The following PLCD1 variants were observed in gnomAD, a reference collection of about 807,000 sequenced individuals.
The protein encoded by PLCD1 is 1-phosphatidylinositol 4,5-bisphosphate phosphodiesterase delta-1.
PLCD1 carries 71 observed loss-of-function variants against 87.4 expected under a neutral mutation model. The ratio of observed to expected loss-of-function variants is 0.81; its 90% CI spans 0.67 to 0.99. The LOEUF (loss-of-function observed/expected upper bound fraction) is 0.99, where lower values mean the gene tolerates loss of function less well. PLCD1 is among the 50% of genes least tolerant of loss of function. The pLI is 0.00. For missense variants in PLCD1, 867 were observed against 1,001.5 expected (o/e 0.87, Z 1.81); for synonymous variants, 348 against 399.2 (o/e 0.87, Z 1.53).
At position 38,029,614 on chromosome 3, in the gene PLCD1, C is replaced by G; in HGVS notation, c.-75G>C. On this transcript the variant is annotated 5_prime_UTR_variant, in exon 1 of 15. Coordinates refer to ENST00000334661, the MANE Select transcript of PLCD1 (RefSeq NM_006225.4). The stretch of plus-strand genomic sequence containing the variant: ...GCGACAGCACCGGCGGCCTGGGGTC[C>G]GAGCGGAGTGCGGTGCAGGGACCTG... The G allele has an allele frequency of 2.1e-6, 3 of 1,416,298 alleles. No individual in the cohort carries two copies. The highest frequency in any genetic ancestry group is 2.9e-6 in the Non-Finnish European group (3 of 1,041,088). 87.7% of individuals were successfully genotyped at this position (1,416,298 alleles called of 1,614,324 possible).
intron 1 of PLCD1, among the ~76,000 whole-genome samples, chr3:38,022,471 T>C (rs1700249724): frequency 6.6e-6 from 1 of 152,084 alleles, no homozygotes; most frequent in African/African-American, 2.4e-5. Context: ...TGGGCATACA[T>C]CAGGGCAAGC....
Position 38,025,254 on chromosome 3 carries a change from G to A in PLCD1, c.34+4252C>T, listed in dbSNP as rs1403110703. Among the ~76,000 whole-genome samples, 1 of 152,228 alleles carries A rather than the reference G, an allele frequency of 6.6e-6. No homozygotes were observed. Among genetic ancestry groups the A allele is most frequent in the Non-Finnish European group, 1.5e-5 (1 of 68,030 alleles). On this transcript the variant is annotated intron_variant, in intron 1 of 14. Transcript: ENST00000334661. This position sits in a 1 kb window ranked among gnomAD's most constrained non-coding sequence, Gnocchi z 4.0. ...GTGCGGGGGCGGAGCCAGGGTCCGG[G>A]AGGCAGTGTGGGCGGGGTCTGACCA...
chr3:38,016,442 A>G (rs1373866714), intron 3 of PLCD1, 49 bp downstream of exon 3: 6 of 1,312,196 alleles, frequency 4.6e-6, no homozygotes, highest in Non-Finnish European at 6.6e-6. Context: ...GGATAACCAC[A>G]GCCAGTGTCC....
intron 1 of PLCD1, 51 bp downstream of exon 1, chr3:38,029,455 C>T: frequency 6.7e-7 from 1 of 1,501,862 alleles, no homozygotes; most frequent in South Asian, 1.2e-5. Context: ...GAACAGCTTT[C>T]CAGGGGTCCA....
chr3:38,020,218 T>C lies in PLCD1; in HGVS notation c.169A>G (p.Lys57Glu). ...DCKTIWQESRKVMRTPESQLF... is the reference protein window; with the variant it reads ...DCKTIWQESREVMRTPESQLF... ...TGGGACTCCGGGGTCCGCATGACCT[T>C]GCGGGACTCCTGCCAGATGGTCTTG... The change falls in exon 2 of 15, where the codon AAG (lysine) becomes GAG (glutamate). Residue 57 changes from lysine (K) to glutamate (E), a missense_variant. Coordinates refer to ENST00000334661, the MANE Select transcript of PLCD1 (RefSeq NM_006225.4). 3.1e-6 allele frequency: 5 copies of C among 1,614,102 alleles called. No individual in the cohort carries two copies. Among genetic ancestry groups the C allele is most frequent in the African/African-American group, 1.3e-5 (1 of 75,038 alleles).
At chr3:38,009,605 G>A (rs759763751) in intron 9 of PLCD1, 48 bp downstream of exon 9, 4 of 1,610,874 alleles carry the variant, frequency 2.5e-6, no homozygotes, top group African/African-American at 2.7e-5. Flanking sequence ...CACGGGTGAG[G>A]GGATGGGGAA....
In PLCD1 at chr3:38,010,038, C is replaced by T. The variant is rs1559371767; in HGVS notation, c.1153G>A (p.Val385Ile). 1 of 1,614,100 alleles carries T rather than the reference C, an allele frequency of 6.2e-7. No homozygotes were observed. The highest frequency in any genetic ancestry group is 1.3e-5 in the African/African-American group (1 of 74,936). The change falls in exon 8 of 15, where the codon GTC (valine) becomes ATC (isoleucine). Residue 385 changes from valine (V) to isoleucine (I), a missense_variant. Val to Ile is a conservative substitution (Grantham distance 29, BLOSUM62 3). Coordinates refer to ENST00000334661, the MANE Select transcript of PLCD1 (RefSeq NM_006225.4). ...DYAFKASPYP[V>I]ILSLENHCTL... ...CAGTGGTTCTCCAGGGATAGGATGA[C>T]AGGGTAGGGGGACGCCTGGAGGCCC...
chr3:38,021,658 T>C (rs1037755770), intron 1 of PLCD1, among the ~76,000 whole-genome samples: 9 of 152,212 alleles, frequency 5.9e-5, no homozygotes, highest in African/African-American at 9.6e-5. Context: ...GCCAGCTCTA[T>C]TGAGAGCCAA....
At position 38,018,810 on chromosome 3, in the gene PLCD1, A is replaced by G. The variant is rs1700193278; in HGVS notation, c.199+1378T>C. Among the ~76,000 whole-genome samples, 1 of 151,856 alleles carries G rather than the reference A, an allele frequency of 6.6e-6. No homozygotes were observed. The highest frequency in any genetic ancestry group is 2.4e-5 in the African/African-American group (1 of 41,338). On this transcript the variant is annotated intron_variant, in intron 2 of 14. Coordinates refer to ENST00000334661, the MANE Select transcript of PLCD1 (RefSeq NM_006225.4). The surrounding 1 kb of genome is among the most constrained non-coding windows in gnomAD (Gnocchi z 5.7). The stretch of plus-strand genomic sequence containing the variant: ...AAAGGTCAGGCGGTCACTCCTGTAC[A>G]GTGTGGCAGCAGGCTGAGCTGGGGC...
intron 1 of PLCD1, chr3:38,024,754 G>A: frequency 7.4e-7 from 1 of 1,350,546 alleles, no homozygotes; most frequent in Non-Finnish European, 9.7e-7. Flanking sequence ...AATGAGTGGG[G>A]GGAGTCAGAA....
At chr3:38,024,320 T>G in intron 1 of PLCD1, 1 of 1,600,498 alleles carries the variant, frequency 6.2e-7, no homozygotes, top group Non-Finnish European at 8.5e-7. Context: ...GATCTCGGAG[T>G]GCTCTGCGCC....
rs551488426 is a variant in PLCD1, at chr3:38,013,403, C to T, written c.429-1730G>A. On this transcript the variant is annotated intron_variant, in intron 3 of 14. Transcript: ENST00000334661. ...AATTTTTTGTATTTTTTAGTAGAGA[C>T]GGGGTTTCACCGTGTTAGCCAGGAT... 2.5e-4 allele frequency among the ~76,000 whole-genome samples: 38 copies of T among 151,512 alleles called. No individual in the cohort carries two copies. In the East Asian group the frequency reaches 5.3e-3, roughly 21 times the overall value.
At chr3:38,012,516 G>GTTT (rs1207854387) in intron 3 of PLCD1, among the ~76,000 whole-genome samples, 4 of 134,654 alleles carry the variant, frequency 3.0e-5, no homozygotes, top group Non-Finnish European at 3.2e-5. Flanking sequence ...TTAGAATGAA[G>GTTT]TTTTTTTTTT....
chr3:38,020,082 TCA>T, intron 2 of PLCD1, 104 bp downstream of exon 2: 2 of 1,052,244 alleles, frequency 1.9e-6, no homozygotes, highest in South Asian at 1.3e-5. Context: ...AGGCCAGGCC[TCA>T]GTTTCCCCAT....
chr3:38,010,744 T>A (rs1575348003), intron 5 of PLCD1, among the ~76,000 whole-genome samples, 182 bp from the exon 6 acceptor site: 1 of 151,872 alleles, frequency 6.6e-6, no homozygotes, highest in Non-Finnish European at 1.5e-5. Flanking sequence ...TACTCCAGAG[T>A]GGGGCCCTGT....
At chr3:38,008,932 A>T (rs1700015615) in intron 11 of PLCD1, 110 bp downstream of exon 11, 2 of 853,006 alleles carry the variant, frequency 2.3e-6, no homozygotes, top group Non-Finnish European at 4.0e-6. Flanking sequence ...CCTGCATTTG[A>T]CCCTGCTTGG....
Position 38,018,805 on chromosome 3 carries a change from T to TAGA in PLCD1, c.199+1382_199+1383insTCT, listed in dbSNP as rs1700193080. 6.6e-6 allele frequency among the ~76,000 whole-genome samples: 1 copy of TAGA among 151,860 alleles called. No individual in the cohort carries two copies. The highest frequency in any genetic ancestry group is 2.4e-5 in the African/African-American group (1 of 41,294). On this transcript the variant is annotated intron_variant, in intron 2 of 14. Coordinates refer to ENST00000334661, the MANE Select transcript of PLCD1 (RefSeq NM_006225.4). This position sits in a 1 kb window ranked among gnomAD's most constrained non-coding sequence, Gnocchi z 5.7. ...AGAGAAAAGGTCAGGCGGTCACTCC[T>TAGA]GTACAGTGTGGCAGCAGGCTGAGCT...
intron 1 of PLCD1, among the ~76,000 whole-genome samples, chr3:38,021,563 C>T (rs1700234060): frequency 6.6e-6 from 1 of 152,186 alleles, no homozygotes; most frequent in Admixed American, 6.5e-5. Flanking sequence ...GACCCCAACC[C>T]TTAGTAACCC....
chr3:38,024,898 G>A (rs1700290774), intron 1 of PLCD1: 1 of 332,412 alleles, frequency 3.0e-6, no homozygotes, highest in South Asian at 2.7e-5. Context: ...GCGTGGGTGG[G>A]GATGGGGGTG....
Sources: allele counts gnomAD v4.1 joint callset (sites outside exome capture counted in the v4.1 genomes callset), GRCh38; gene constraint gnomAD v4.1.1; non-coding constraint Gnocchi (gnomAD v3.1); transcripts MANE v1.5; gene names NCBI Gene and HGNC (gene_info 2026-07-23, HGNC 2026-07-21).